MYH9: variants seen among roughly 807,000 people sequenced by gnomAD.
MYH9 encodes the protein myosin-9.
MYH9 carries 29 observed loss-of-function variants against 241.9 expected under a neutral mutation model. The observed-to-expected ratio is 0.12, with a 90% CI of 0.09 to 0.16. The LOEUF (loss-of-function observed/expected upper bound fraction) is 0.16, where lower values mean the gene tolerates loss of function less well. Ranked by LOEUF, MYH9 falls within the 10% of genes least tolerant of loss-of-function variation. MYH9 has a pLI of 1.00. For missense variants in MYH9, 1,803 were observed against 2,595.5 expected, an observed-to-expected ratio of 0.69 and a Z score of 6.63; for synonymous variants, 1,047 against 1,062.6, an observed-to-expected ratio of 0.99 and a Z score of 0.29.
intron 1 of MYH9, among the ~76,000 whole-genome samples, chr22:36,367,789 G>A (rs1449146399): frequency 2.0e-5 from 3 of 152,184 alleles, no homozygotes; most frequent in Non-Finnish European, 2.9e-5. Context: ...AGCAGCAGCG[G>A]CCCCTGCTCT....
chr22:36,336,832 G>T (rs2017507608), intron 3 of MYH9, among the ~76,000 whole-genome samples: 1 of 152,134 alleles, frequency 6.6e-6, no homozygotes, highest in Admixed American at 6.5e-5. Context: ...TTGTAGCTAG[G>T]GCCACAAATC....
At chr22:36,341,131 G>T (rs1427067918) in intron 3 of MYH9, among the ~76,000 whole-genome samples, 1 of 152,106 alleles carries the variant, frequency 6.6e-6, no homozygotes, top group East Asian at 1.9e-4. Flanking sequence ...GAAATTGAGA[G>T]AAAGATTAGG....
intron 25 of MYH9, among the ~76,000 whole-genome samples, 153 bp downstream of exon 25, chr22:36,296,690 A>G (rs1301338232): frequency 6.6e-6 from 1 of 152,142 alleles, no homozygotes; most frequent in Non-Finnish European, 1.5e-5. Context: ...CCCTGAGTGC[A>G]CAAGAACTGT....
At position 36,330,148 on chromosome 22, in the gene MYH9, T is replaced by G. The variant is rs2017399855; in HGVS notation, c.491-2660A>C. ...ACCCGAGCGTCCCTAGCTCTCCCACTTCTCCAGCCTTCCCCGTCCAATTCC... is the reference window on the plus strand; with the variant it reads ...ACCCGAGCGTCCCTAGCTCTCCCACGTCTCCAGCCTTCCCCGTCCAATTCC... On this transcript the variant is annotated intron_variant, in intron 3 of 40. Transcript: ENST00000216181. The surrounding 1 kb of genome is among the most constrained non-coding windows in gnomAD (Gnocchi z 4.5). Among the ~76,000 whole-genome samples, 2 of 152,230 alleles carry G rather than the reference T, an allele frequency of 1.3e-5. No individual in the cohort carries two copies. The highest frequency in any genetic ancestry group is 1.3e-4 in the Admixed American group (2 of 15,286).
intron 10 of MYH9, among the ~76,000 whole-genome samples, chr22:36,318,924 C>A (rs147091007): frequency 6.6e-6 from 1 of 152,246 alleles, no homozygotes; most frequent in East Asian, 1.9e-4. Flanking sequence ...CCACCATGCC[C>A]GGCTAATTTT....
intron 27 of MYH9, 113 bp from the exon 28 acceptor site, chr22:36,294,411 G>C (rs973104290): frequency 2.6e-6 from 3 of 1,162,192 alleles, no homozygotes; most frequent in Non-Finnish European, 2.5e-6. Flanking sequence ...CCCTGACGAC[G>C]GTGTGCCTGC....
chr22:36,292,471 C>T (rs758483809), intron 30 of MYH9, among the ~76,000 whole-genome samples: 2 of 152,138 alleles, frequency 1.3e-5, no homozygotes, highest in Non-Finnish European at 2.9e-5. Context: ...GACCCCCAGG[C>T]CCGCTGTGGG....
In MYH9 at chr22:36,320,374, T is replaced by A. The variant is rs991145745; in HGVS notation, c.869-11A>T. The A allele has an allele frequency of 2.5e-6, 4 of 1,612,618 alleles. No individual in the cohort carries two copies. In the Admixed American group the frequency reaches 6.7e-5, roughly 27 times the overall value. On this transcript the variant is annotated splice_polypyrimidine_tract_variant and intron_variant, in intron 8 of 40. Coordinates refer to ENST00000216181, the MANE Select transcript of MYH9 (RefSeq NM_002473.6). This position sits in a 1 kb window ranked among gnomAD's most constrained non-coding sequence, Gnocchi z 4.8. Reference sequence around the variant, plus strand: ...CCAACAGGAGATCGGCTGTAAGGGGTGGAGGGCAAGGGCGCCTCAGCGAGG... The same window carrying A: ...CCAACAGGAGATCGGCTGTAAGGGGAGGAGGGCAAGGGCGCCTCAGCGAGG...
intron 1 of MYH9, among the ~76,000 whole-genome samples, chr22:36,351,361 C>A (rs6000251): frequency 0.03 from 4,569 of 152,256 alleles, 225 homozygotes; most frequent in African/African-American, 0.1. Flanking sequence ...ACCCTGAGAG[C>A]AGGCCGGGCT....
chr22:36,291,876 C>T, intron 31 of MYH9, 110 bp downstream of exon 31: 1 of 1,553,824 alleles, frequency 6.4e-7, no homozygotes, highest in East Asian at 2.3e-5. Flanking sequence ...CGCACGGCCC[C>T]TCCCCGGCGA....
At chr22:36,370,967 G>C (rs1324887079) in intron 1 of MYH9, among the ~76,000 whole-genome samples, 2 of 152,182 alleles carry the variant, frequency 1.3e-5, no homozygotes, top group African/African-American at 4.8e-5. Context: ...AACACTAACA[G>C]ATAGTTCTAT....
At chr22:36,354,527 C>T (rs1459089611) in intron 1 of MYH9, among the ~76,000 whole-genome samples, 1 of 151,374 alleles carries the variant, frequency 6.6e-6, no homozygotes, top group African/African-American at 2.4e-5. Context: ...TCACTGCAAC[C>T]TCCGCTTCCC....
At chr22:36,349,298 T>C (rs1603484069) in intron 1 of MYH9, 43 bp from the exon 2 acceptor site, 13 of 1,447,818 alleles carry the variant, frequency 9.0e-6, no homozygotes. Flanking sequence ...TACAACTACG[T>C]CAGCCACACA....
chr22:36,354,208 T>G (rs1399221767), intron 1 of MYH9, among the ~76,000 whole-genome samples: 1 of 151,830 alleles, frequency 6.6e-6, no homozygotes, highest in Non-Finnish European at 1.5e-5. Flanking sequence ...AGCCTCAGAT[T>G]TGCTTGTTAA....
chr22:36,348,787 C>T, intron 2 of MYH9, 117 bp downstream of exon 2: 1 of 978,174 alleles, frequency 1.0e-6, no homozygotes, highest in Non-Finnish European at 1.6e-6. Flanking sequence ...CCTTCAAGCC[C>T]CCTTCTCAAC....
In MYH9 at chr22:36,330,345, T is replaced by C. The variant is rs1316397289; in HGVS notation, c.491-2857A>G. On this transcript the variant is annotated intron_variant, in intron 3 of 40. Transcript: ENST00000216181. The surrounding 1 kb of genome is among the most constrained non-coding windows in gnomAD (Gnocchi z 4.5). ...TAGTATCCTAAATCCACCGGCCGGATGCACCACGAATCGTACCATGGCCCC... is the reference window on the plus strand; with the variant it reads ...TAGTATCCTAAATCCACCGGCCGGACGCACCACGAATCGTACCATGGCCCC... Among the ~76,000 whole-genome samples the C allele has an allele frequency of 1.3e-5, 2 of 152,240 alleles. No homozygotes were observed. The highest frequency in any genetic ancestry group is 2.9e-5 in the Non-Finnish European group (2 of 68,030).
chr22:36,382,480 A>G (rs1260239405), intron 1 of MYH9, among the ~76,000 whole-genome samples: 3 of 150,138 alleles, frequency 2.0e-5, no homozygotes, highest in African/African-American at 7.4e-5. Context: ...GTCTCAAAAA[A>G]CAAAAAAAAG....
chr22:36,312,126 C>T lies in MYH9; in HGVS notation c.1651G>A (p.Gly551Ser), dbSNP rs1258173006. Reference protein sequence around the residue: ...SFVEKVMQEQGTHPKFQKPKQ... With the variant: ...SFVEKVMQEQSTHPKFQKPKQ... ...GGCTTCTGGAACTTGGGGTGGGTGC[C>T]CTGCTCCTGCATCACCTTCTCCACG... Residue 551 changes from glycine to serine, a missense_variant, in exon 14 of 41, where the codon GGC becomes AGC. Transcript: ENST00000216181. The T allele has an allele frequency of 6.2e-7, 1 of 1,614,168 alleles. No individual in the cohort carries two copies. Among genetic ancestry groups the T allele is most frequent in the South Asian group, 1.1e-5 (1 of 91,080 alleles).
Position 36,293,897 on chromosome 22 carries a change from AC to A in MYH9, c.3838-35del. 6.3e-7 allele frequency: 1 copy of A among 1,576,500 alleles called. No individual in the cohort carries two copies. On this transcript the variant is annotated intron_variant, in intron 28 of 40. Coordinates refer to ENST00000216181, the MANE Select transcript of MYH9 (RefSeq NM_002473.6). This position sits in a 1 kb window ranked among gnomAD's most constrained non-coding sequence, Gnocchi z 5.1. ...GGCGGGGAGACACAAAGGACCATGG[AC>A]CCACCCCCACTGCTCCTGCCCCACC...
Sources: allele counts gnomAD v4.1 joint callset (sites outside exome capture counted in the v4.1 genomes callset), GRCh38; gene constraint gnomAD v4.1.1; non-coding constraint Gnocchi (gnomAD v3.1); transcripts MANE v1.5; gene names NCBI Gene and HGNC (gene_info 2026-07-23, HGNC 2026-07-21).